Variants in CNGB3 observed in about 807,000 individuals in gnomAD.
CNGB3 encodes cyclic nucleotide-gated channel beta-3.
CNGB3 carries 86 observed loss-of-function variants against 92.8 expected under a neutral mutation model. The observed-to-expected ratio is 0.93, with a 90% CI of 0.78 to 1.11. The LOEUF is 1.11. Ranked by LOEUF, CNGB3 falls within the 50% of genes least tolerant of loss-of-function variation. CNGB3 has a pLI of 0.00. For synonymous variants in CNGB3, 333 were observed against 332.7 expected (o/e 1.00, Z -0.01); for missense variants, 1,026 against 956.8 (o/e 1.07, Z -0.95).
chr8:86,657,563 A>G, intron 6 of CNGB3: 2 of 460,930 alleles, frequency 4.3e-6, no homozygotes. Flanking sequence ...TGCAGGCTCC[A>G]TGCTGTGGGC....
chr8:86,659,887 C>T, intron 6 of CNGB3: 1 of 422,138 alleles, frequency 2.4e-6, no homozygotes, highest in East Asian at 6.1e-5. Context: ...GGGCCCTCCC[C>T]ATTGACAAAG....
At chr8:86,742,791 T>C (rs1461536308) in intron 1 of CNGB3, among the ~76,000 whole-genome samples, 1 of 152,186 alleles carries the variant, frequency 6.6e-6, no homozygotes, top group Non-Finnish European at 1.5e-5. Flanking sequence ...GTACCTACCA[T>C]GTGCTTTATA....
intron 13 of CNGB3, among the ~76,000 whole-genome samples, chr8:86,614,300 C>T (rs114691467): frequency 7.9e-5 from 12 of 152,200 alleles, no homozygotes; most frequent in African/African-American, 2.2e-4. Flanking sequence ...CCCACGTAGA[C>T]GAGCAGATAT....
chr8:86,732,928 T>C (rs764225284), intron 2 of CNGB3, among the ~76,000 whole-genome samples: 1 of 152,216 alleles, frequency 6.6e-6, no homozygotes, highest in Non-Finnish European at 1.5e-5. Context: ...TGCATGTGTG[T>C]GTTTGTTACA....
intron 13 of CNGB3, among the ~76,000 whole-genome samples, chr8:86,619,056 C>G (rs1269101808): frequency 6.6e-6 from 1 of 152,204 alleles, no homozygotes. Context: ...ACCAGAGCAG[C>G]AAATAGACAT....
At chr8:86,639,039 TTATCTG>T (rs536331279) in intron 10 of CNGB3, among the ~76,000 whole-genome samples, 7 of 152,168 alleles carry the variant, frequency 4.6e-5, no homozygotes, top group Admixed American at 2.6e-4. Context: ...CTCATCATCT[TTATCTG>T]TAAAATTGAG....
chr8:86,578,779 C>A lies in CNGB3; in HGVS notation c.2013G>T (p.Glu671Asp). 6.2e-7 allele frequency: 1 copy of A among 1,614,072 alleles called. No individual in the cohort carries two copies. The highest frequency in any genetic ancestry group is 1.1e-5 in the South Asian group (1 of 91,062). Residue 671 changes from glutamate to aspartate, a missense_variant, in exon 17 of 18, where the codon GAG becomes GAT. By Grantham distance (45) the Glu-to-Asp change is conservative. Transcript: ENST00000320005. ...GGAGAGTTTTAAACAGTTTGGGTGTCTCTTCTTTCGGTGGGAAGAGGAGGG... is the reference window on the plus strand; with the variant it reads ...GGAGAGTTTTAAACAGTTTGGGTGTATCTTCTTTCGGTGGGAAGAGGAGGG... ...DLALLFPPKE[E>D]TPKLFKTLLG...
chr8:86,613,376 C>A (rs1004105501), intron 13 of CNGB3, among the ~76,000 whole-genome samples: 4 of 152,074 alleles, frequency 2.6e-5, no homozygotes, highest in African/African-American at 7.2e-5. Context: ...ATGCTGTCAT[C>A]ATTTTGGAAT....
At position 86,574,204 on chromosome 8, in the gene CNGB3, C is replaced by T. The variant is rs992178757; in HGVS notation, c.*1600G>A. 3.9e-5 allele frequency: 6 copies of T among 152,142 alleles called. No homozygotes were observed. The highest frequency in any genetic ancestry group is 3.3e-4 in the Admixed American group (5 of 15,252). 9.4% of individuals were successfully genotyped at this position (152,142 alleles called of 1,614,324 possible). ...TTGCAATGGTCTTGTATTTTAATAT[C>T]ATTTGAATAAATTACAGGGTGTAAA... On this transcript the variant is annotated 3_prime_UTR_variant, in exon 18 of 18. Transcript: ENST00000320005.
chr8:86,591,867 C>A (rs978933123), intron 15 of CNGB3, among the ~76,000 whole-genome samples: 1 of 152,212 alleles, frequency 6.6e-6, no homozygotes, highest in Non-Finnish European at 1.5e-5. Flanking sequence ...GTGGGCTCCA[C>A]CCAGTTCGAG....
In CNGB3 at chr8:86,676,591, C is replaced by T. The variant is rs113469916; in HGVS notation, c.339-5493G>A. On this transcript the variant is annotated intron_variant, in intron 3 of 17. Coordinates refer to ENST00000320005, the MANE Select transcript of CNGB3 (RefSeq NM_019098.5). ...TAGTTGCAGTAAGGAGGAAGTGTGA[C>T]TTGAAGAAGGGAGATAATCAACTTA... 2.2e-3 allele frequency among the ~76,000 whole-genome samples: 340 copies of T among 152,178 alleles called. 1 individual carries two copies. Among genetic ancestry groups the T allele is most frequent in the African/African-American group, 8.0e-3 (332 of 41,498 alleles).
At chr8:86,584,856 G>A (rs899503277) in intron 15 of CNGB3, among the ~76,000 whole-genome samples, 64 of 152,272 alleles carry the variant, frequency 4.2e-4, no homozygotes, top group African/African-American at 1.3e-3. Flanking sequence ...CTCTAATCAT[G>A]TAAGTATTTA....
At chr8:86,628,485 T>C (rs1003765956) in intron 12 of CNGB3, among the ~76,000 whole-genome samples, 1 of 152,160 alleles carries the variant, frequency 6.6e-6, no homozygotes, top group African/African-American at 2.4e-5. Context: ...GAGAGTGATA[T>C]TGAAGTAAGA....
At chr8:86,698,428 T>C (rs921725952) in intron 3 of CNGB3, among the ~76,000 whole-genome samples, 1 of 152,220 alleles carries the variant, frequency 6.6e-6, no homozygotes, top group Non-Finnish European at 1.5e-5. Flanking sequence ...GTGGAGGCTT[T>C]AATTGGGGCA....
intron 6 of CNGB3, chr8:86,657,464 T>A: frequency 1.9e-6 from 1 of 517,422 alleles, no homozygotes; most frequent in South Asian, 1.4e-5. Flanking sequence ...GCCTGGGTGC[T>A]CCTGGGGGTT....
chr8:86,739,507 T>G, intron 2 of CNGB3, 148 bp downstream of exon 2: 1 of 1,285,600 alleles, frequency 7.8e-7, no homozygotes, highest in Non-Finnish European at 1.1e-6. Flanking sequence ...ATAAAGTTTT[T>G]GAAATATTCA....
At position 86,643,846 on chromosome 8, in the gene CNGB3, C is replaced by G; in HGVS notation, c.1083G>C (p.Leu361=). 1 of 1,606,880 alleles carries G rather than the reference C, an allele frequency of 6.2e-7. No homozygotes were observed. The highest frequency in any genetic ancestry group is 8.5e-7 in the Non-Finnish European group (1 of 1,175,258). ...YRVIRTTGYL[L]FILHINACVY... ...CACAGGCATTAATGTGCAGAATAAACAGCAAGTATCCAGTTGTTCGAATAA... is the reference window on the plus strand; with the variant it reads ...CACAGGCATTAATGTGCAGAATAAAGAGCAAGTATCCAGTTGTTCGAATAA... Residue 361 remains leucine, a synonymous_variant, in exon 10 of 18, where the codon CTG becomes CTC. Transcript: ENST00000320005.
At chr8:86,694,938 C>T (rs1359718708) in intron 3 of CNGB3, among the ~76,000 whole-genome samples, 3 of 152,196 alleles carry the variant, frequency 2.0e-5, no homozygotes, top group African/African-American at 4.8e-5. Flanking sequence ...CTTTGGGAGG[C>T]TAAGGCAGGC....
intron 6 of CNGB3, among the ~76,000 whole-genome samples, chr8:86,666,714 C>T (rs534569985): frequency 6.6e-6 from 1 of 152,226 alleles, no homozygotes; most frequent in Admixed American, 6.5e-5. Context: ...TATGAGGAAA[C>T]TAAGGTACAG....
Sources: gnomAD v4.1 joint callset for allele counts (sites outside exome capture counted in the v4.1 genomes callset) on GRCh38, gnomAD v4.1.1 for gene constraint, MANE v1.5 for transcripts, NCBI Gene and HGNC (gene_info 2026-07-23, HGNC 2026-07-21) for gene names.